The following PIK3R4 variants were observed in gnomAD, a reference collection of about 807,000 sequenced individuals.
The protein encoded by PIK3R4 is phosphoinositide-3-kinase regulatory subunit 4.
PIK3R4 carries 46 observed loss-of-function variants against 136.5 expected under a neutral mutation model. The ratio of observed to expected loss-of-function variants is 0.34; its 90% CI spans 0.27 to 0.43. The LOEUF (loss-of-function observed/expected upper bound fraction) is 0.43. PIK3R4 is among the 20% of genes least tolerant of loss of function. The probability of loss-of-function intolerance (pLI) is 1.00; values close to 1 mark genes in which losing one functional copy is unlikely to be tolerated. For missense variants in PIK3R4, 1,331 were observed against 1,649.5 expected, an observed-to-expected ratio of 0.81 and a Z score of 3.35; for synonymous variants, 557 against 566.7, an observed-to-expected ratio of 0.98 and a Z score of 0.24.
intron 13 of PIK3R4, among the ~76,000 whole-genome samples, chr3:130,694,488 T>C (rs1448210402): frequency 6.6e-6 from 1 of 152,148 alleles, no homozygotes; most frequent in East Asian, 1.9e-4. Flanking sequence ...ACAAATCTTA[T>C]ACTTTCTTGT....
intron 13 of PIK3R4, among the ~76,000 whole-genome samples, chr3:130,698,797 C>T (rs1468471852): frequency 6.6e-6 from 1 of 152,140 alleles, no homozygotes; most frequent in Non-Finnish European, 1.5e-5. Context: ...CAAAGTGTTG[C>T]TATTTGTTTA....
chr3:130,707,965 G>A (rs1314593007), intron 10 of PIK3R4, among the ~76,000 whole-genome samples: 1 of 152,122 alleles, frequency 6.6e-6, no homozygotes, highest in African/African-American at 2.4e-5. Context: ...TTGGGTTGCT[G>A]GTTAAAGGGT....
At position 130,686,343 on chromosome 3, in the gene PIK3R4, CATAGGCAAGA is replaced by C. The variant is rs764090316; in HGVS notation, c.3333_3342del (p.Leu1112ProfsTer3). 6.2e-7 allele frequency: 1 copy of C among 1,612,948 alleles called. No individual in the cohort carries two copies. The highest frequency in any genetic ancestry group is 8.5e-7 in the Non-Finnish European group (1 of 1,179,088). The stretch of plus-strand genomic sequence containing the variant: ...CCAACCAGAGAGCCATTCACAGTGG[CATAGGCAAGA>C]ACAGACTGTGCTCCAGAGTTGAAGT... On this transcript the variant is annotated frameshift_variant, in exon 15 of 20. Coordinates refer to ENST00000356763, the MANE Select transcript of PIK3R4 (RefSeq NM_014602.3). LOFTEE classifies it high-confidence loss of function.
chr3:130,738,851 T>TAATA (rs980240344), intron 2 of PIK3R4, among the ~76,000 whole-genome samples: 31 of 152,106 alleles, frequency 2.0e-4, no homozygotes, highest in Admixed American at 1.0e-3. Flanking sequence ...TCTATACCAA[T>TAATA]AATAAATAAA....
At chr3:130,703,661 A>T in intron 13 of PIK3R4, 62 bp downstream of exon 13, 1 of 1,225,550 alleles carries the variant, frequency 8.2e-7, no homozygotes, top group Non-Finnish European at 1.2e-6. Flanking sequence ...TATAGAGTAA[A>T]CACTCAATAA....
In PIK3R4 at chr3:130,716,233, G is replaced by C. The variant is rs375374062; in HGVS notation, c.2331+163C>G. 5.9e-5 allele frequency among the ~76,000 whole-genome samples: 9 copies of C among 152,162 alleles called. No homozygotes were observed. In the East Asian group the frequency reaches 1.7e-3, roughly 29 times the overall value. ...TTATCATCATCTTATTATTATCTTTGTTTAGGAATCAAAAGCAAATGCCTA... is the reference window on the plus strand; with the variant it reads ...TTATCATCATCTTATTATTATCTTTCTTTAGGAATCAAAAGCAAATGCCTA... On this transcript the variant is annotated intron_variant, in intron 9 of 19. Coordinates refer to ENST00000356763, the MANE Select transcript of PIK3R4 (RefSeq NM_014602.3).
intron 4 of PIK3R4, among the ~76,000 whole-genome samples, chr3:130,731,844 C>A (rs1483072879): frequency 1.3e-5 from 2 of 152,164 alleles, no homozygotes; most frequent in African/African-American, 2.4e-5. Context: ...TAAAAGACCG[C>A]AAATTAGCCA....
At chr3:130,718,751 AAAG>A (rs1427559666) in intron 7 of PIK3R4, among the ~76,000 whole-genome samples, 3 of 152,228 alleles carry the variant, frequency 2.0e-5, no homozygotes, top group African/African-American at 4.8e-5. Flanking sequence ...CAGTACCACA[AAAG>A]AATAAAAACA....
chr3:130,746,799 G>A lies in PIK3R4; in HGVS notation c.-528C>T, dbSNP rs1022941013. On this transcript the variant is annotated 5_prime_UTR_variant, in exon 1 of 20. Coordinates refer to ENST00000356763, the MANE Select transcript of PIK3R4 (RefSeq NM_014602.3). ...AGCTGCTGCAGCCCCAGCAAACGCC[G>A]AACTCCCGGGAAAGCAACCGGTCTG... The A allele has an allele frequency of 2.0e-5, 3 of 152,238 alleles. No individual in the cohort carries two copies. The highest frequency in any genetic ancestry group is 4.4e-5 in the Non-Finnish European group (3 of 68,084). The allele number at this position is 152,238 out of a possible 1,614,324, so 9.4% of individuals were successfully genotyped here.
At position 130,733,529 on chromosome 3, in the gene PIK3R4, T is replaced by C; in HGVS notation, c.1450+19A>G. ...TAAAAAATATCTAAGTGGCTAATAT[T>C]TGGACAATAAACTCTTACCAGCATA... On this transcript the variant is annotated intron_variant, in intron 4 of 19. Coordinates refer to ENST00000356763, the MANE Select transcript of PIK3R4 (RefSeq NM_014602.3). 1 of 1,522,798 alleles carries C rather than the reference T, an allele frequency of 6.6e-7. No individual in the cohort carries two copies. Among genetic ancestry groups the C allele is most frequent in the Non-Finnish European group, 9.1e-7 (1 of 1,100,638 alleles). The allele number at this position is 1,522,798 out of a possible 1,614,324, so 94.3% of individuals were successfully genotyped here. A position where few individuals can be genotyped will look rare whatever the true frequency, so the allele number is the denominator to read the frequency against.
At chr3:130,692,730 A>C (rs1284968415) in intron 13 of PIK3R4, among the ~76,000 whole-genome samples, 1 of 152,242 alleles carries the variant, frequency 6.6e-6, no homozygotes, top group Admixed American at 6.5e-5. Context: ...CAGGGGCCCA[A>C]TCAGTACTGT....
chr3:130,728,438 A>G (rs921674474), intron 6 of PIK3R4, 25 bp downstream of exon 6: 2 of 1,461,386 alleles, frequency 1.4e-6, no homozygotes, highest in Non-Finnish European at 1.9e-6. Context: ...AAAATCTTAA[A>G]GGAATTTAAA....
At chr3:130,706,120 T>C (rs955514878) in intron 11 of PIK3R4, among the ~76,000 whole-genome samples, 1 of 152,210 alleles carries the variant, frequency 6.6e-6, no homozygotes, top group Non-Finnish European at 1.5e-5. Context: ...ATTTAAGATA[T>C]GACTGACTAG....
chr3:130,721,101 T>C (rs937709693), intron 7 of PIK3R4, among the ~76,000 whole-genome samples: 3 of 151,764 alleles, frequency 2.0e-5, no homozygotes, highest in African/African-American at 7.3e-5. Flanking sequence ...TTTGGGAGGC[T>C]GAGGCGGGCG....
chr3:130,732,793 TAA>T (rs199688149), intron 4 of PIK3R4, among the ~76,000 whole-genome samples: 47 of 142,064 alleles, frequency 3.3e-4, no homozygotes, highest in African/African-American at 9.5e-4. Flanking sequence ...TACATTTCTT[TAA>T]AAAAAAAAAA....
intron 16 of PIK3R4, among the ~76,000 whole-genome samples, chr3:130,682,220 C>T (rs2066463720): frequency 6.6e-6 from 1 of 152,126 alleles, no homozygotes; most frequent in Admixed American, 6.5e-5. Context: ...GGGGGCCCTA[C>T]ATGTAATCAC....
chr3:130,679,281 T>G lies in PIK3R4; in HGVS notation c.*34A>C. 1 of 1,351,830 alleles carries G rather than the reference T, an allele frequency of 7.4e-7. No homozygotes were observed. Among genetic ancestry groups the G allele is most frequent in the Non-Finnish European group, 1.0e-6 (1 of 994,826 alleles). 83.7% of individuals were successfully genotyped at this position (1,351,830 alleles called of 1,614,324 possible). A position where few individuals can be genotyped will look rare whatever the true frequency, so the allele number is the denominator to read the frequency against. ...TTTTCTCGAGTTATAGTATTATATT[T>G]ATAACTATTAAAATTTATACAAATC... On this transcript the variant is annotated 3_prime_UTR_variant, in exon 20 of 20. Transcript: ENST00000356763.
chr3:130,705,803 G>T, intron 11 of PIK3R4, 32 bp from the exon 12 acceptor site: 1 of 1,319,794 alleles, frequency 7.6e-7, no homozygotes, highest in Non-Finnish European at 1.1e-6. Flanking sequence ...AACTATTTAC[G>T]TCGTAAGCAA....
At chr3:130,739,383 G>GT (rs2066807423) in intron 2 of PIK3R4, among the ~76,000 whole-genome samples, 1 of 151,872 alleles carries the variant, frequency 6.6e-6, no homozygotes, top group East Asian at 1.9e-4. Context: ...CCTTTTGTTT[G>GT]TTTTTTGATA....
Sources: allele counts gnomAD v4.1 joint callset (sites outside exome capture counted in the v4.1 genomes callset), GRCh38; gene constraint gnomAD v4.1.1; transcripts MANE v1.5; gene names NCBI Gene and HGNC (gene_info 2026-07-23, HGNC 2026-07-21).